The following NDUFS6 variants were observed in gnomAD, a reference collection of about 807,000 sequenced individuals.
NDUFS6 encodes the protein NADH:ubiquinone oxidoreductase subunit S6.
Under a neutral mutation model 13.2 loss-of-function variants are expected in NDUFS6, and 14 were observed. The ratio of observed to expected loss-of-function variants is 1.06; its 90% CI spans 0.70 to 1.66. The LOEUF is 1.66. Ranked by LOEUF, NDUFS6 falls within the 40% of genes most tolerant of loss-of-function variation. The pLI, the probability that NDUFS6 is intolerant of heterozygous loss-of-function variation, is 0.00. For missense variants in NDUFS6, 206 were observed against 170.8 expected (o/e 1.21, Z -1.15); for synonymous variants, 95 against 72.3 (o/e 1.31, Z -1.60).
rs1409362457 is a variant in NDUFS6, at chr5:1,815,891, T to C, written c.350T>C (p.Leu117Pro). 1 of 1,614,152 alleles carries C rather than the reference T, an allele frequency of 6.2e-7. No individual in the cohort carries two copies. Among genetic ancestry groups the C allele is most frequent in the Non-Finnish European group, 8.5e-7 (1 of 1,180,066 alleles). ...TKTGTCGYCG[L>P]QFRQHHH Reference sequence around the variant, plus strand: ...ACCGGCACATGCGGTTACTGTGGGCTCCAGTTCAGACAGCACCACCACTAG... The same window carrying C: ...ACCGGCACATGCGGTTACTGTGGGCCCCAGTTCAGACAGCACCACCACTAG... Residue 117 changes from leucine to proline, a missense_variant, in exon 4 of 4, where the codon CTC (leucine) becomes CCC (proline). Coordinates refer to ENST00000274137, the MANE Select transcript of NDUFS6 (RefSeq NM_004553.6).
chr5:1,811,638 T>C (rs1448160256), intron 2 of NDUFS6, among the ~76,000 whole-genome samples: 2 of 152,216 alleles, frequency 1.3e-5, no homozygotes, highest in African/African-American at 4.8e-5. Flanking sequence ...ATTTCCTCTG[T>C]AGAGTCACCC....
At position 1,815,325 on chromosome 5, in the gene NDUFS6, G is replaced by A. The variant is rs764843003; in HGVS notation, c.310-526G>A. ...CAGTGGAGCACTCAGGGACTCAGGCGGCTGCTGGGCTTGGTGTTCTCCCCA... is the reference window on the plus strand; with the variant it reads ...CAGTGGAGCACTCAGGGACTCAGGCAGCTGCTGGGCTTGGTGTTCTCCCCA... On this transcript the variant is annotated intron_variant, in intron 3 of 3. Transcript: ENST00000274137. Among the ~76,000 whole-genome samples, 4 of 152,126 alleles carry A rather than the reference G, an allele frequency of 2.6e-5. No homozygotes were observed. The East Asian group carries it at 5.8e-4, about 22-fold the overall frequency.
chr5:1,808,053 G>C (rs919126029), intron 2 of NDUFS6, among the ~76,000 whole-genome samples: 2 of 152,202 alleles, frequency 1.3e-5, no homozygotes, highest in Non-Finnish European at 2.9e-5. Flanking sequence ...AAGGTCCTCC[G>C]TGAGAGGAAG....
intron 2 of NDUFS6, among the ~76,000 whole-genome samples, chr5:1,805,583 A>G (rs570593068): frequency 6.6e-6 from 1 of 152,358 alleles, no homozygotes; most frequent in South Asian, 2.1e-4. Flanking sequence ...CAGGCCTCAC[A>G]TGGTCCTGGA....
intron 2 of NDUFS6, among the ~76,000 whole-genome samples, chr5:1,804,703 G>A (rs1050220876): frequency 2.0e-5 from 3 of 152,192 alleles, no homozygotes; most frequent in African/African-American, 7.2e-5. Flanking sequence ...AACACTTTTA[G>A]ATTTACAGAA....
rs1275230131 is a variant in NDUFS6 at position 1,814,249 on chromosome 5, A to T, written c.187-90A>T. On this transcript the variant is annotated intron_variant, in intron 2 of 3. Transcript: ENST00000274137. This position sits in a 1 kb window ranked among gnomAD's most constrained non-coding sequence, Gnocchi z 4.9. ...AAGCATGCACCATAGATTCGTGCTG[A>T]TGGTACATGAATTTGTGTGTGGTGG... 4 of 1,557,086 alleles carry T rather than the reference A, an allele frequency of 2.6e-6. No individual in the cohort carries two copies. Among genetic ancestry groups the T allele is most frequent in the Non-Finnish European group, 2.7e-6 (3 of 1,130,518 alleles).
chr5:1,801,532 G>T lies in NDUFS6; in HGVS notation c.115G>T (p.Val39Phe). 6.3e-7 allele frequency: 1 copy of T among 1,592,232 alleles called. No homozygotes were observed. The highest frequency in any genetic ancestry group is 8.5e-7 in the Non-Finnish European group (1 of 1,176,078). ...GVRVSPTGEK[V>F]THTGQVYDDK... Reference sequence around the variant, plus strand: ...GCGGGTCTCGCCGACCGGGGAGAAGGTCACGCACACTGGCCAGGTAACGGC... The same window carrying T: ...GCGGGTCTCGCCGACCGGGGAGAAGTTCACGCACACTGGCCAGGTAACGGC... Residue 39 changes from valine to phenylalanine, a missense_variant, in exon 1 of 4, where the codon GTC (valine) becomes TTC (phenylalanine). Transcript: ENST00000274137.
intron 2 of NDUFS6, among the ~76,000 whole-genome samples, chr5:1,811,788 G>A (rs1734223181): frequency 6.6e-6 from 1 of 152,230 alleles, no homozygotes; most frequent in South Asian, 2.1e-4. Flanking sequence ...TGCTACATAG[G>A]TGATGTATCC....
rs747240392 is a variant in NDUFS6 at position 1,814,140 on chromosome 5, G to A, written c.187-199G>A. ...GCTGGGATTCTTGCAGTGCCTCTCC[G>A]CGTTTGGAACTTTATTCCAGTGAAA... On this transcript the variant is annotated intron_variant, in intron 2 of 3. Coordinates refer to ENST00000274137, the MANE Select transcript of NDUFS6 (RefSeq NM_004553.6). This position sits in a 1 kb window ranked among gnomAD's most constrained non-coding sequence, Gnocchi z 4.9. Among the ~76,000 whole-genome samples the A allele has an allele frequency of 5.9e-5, 9 of 152,232 alleles. No individual in the cohort carries two copies. The highest frequency in any genetic ancestry group is 9.6e-5 in the African/African-American group (4 of 41,460).
At chr5:1,808,364 A>G (rs1734160526) in intron 2 of NDUFS6, among the ~76,000 whole-genome samples, 1 of 152,324 alleles carries the variant, frequency 6.6e-6, no homozygotes, top group South Asian at 2.1e-4. Flanking sequence ...AGTGAAGGCA[A>G]TCGGATTTTA....
chr5:1,813,931 G>A (rs561335895), intron 2 of NDUFS6, among the ~76,000 whole-genome samples: 1 of 152,232 alleles, frequency 6.6e-6, no homozygotes, highest in South Asian at 2.1e-4. Context: ...ACTGCATGGA[G>A]GTTCTGTGAG....
intron 2 of NDUFS6, among the ~76,000 whole-genome samples, chr5:1,803,972 T>A (rs918091778): frequency 2.6e-5 from 4 of 151,938 alleles, no homozygotes; most frequent in African/African-American, 7.3e-5. Flanking sequence ...TTTCTTTTAG[T>A]GGTGACCGTG....
chr5:1,808,223 T>C (rs1734158175), intron 2 of NDUFS6, among the ~76,000 whole-genome samples: 2 of 152,154 alleles, frequency 1.3e-5, no homozygotes, highest in South Asian at 4.1e-4. Flanking sequence ...CTGGGCGTCC[T>C]TTAGGGGGTG....
At chr5:1,803,104 C>T (rs981711345) in intron 2 of NDUFS6, among the ~76,000 whole-genome samples, 6 of 152,120 alleles carry the variant, frequency 3.9e-5, no homozygotes, top group African/African-American at 7.2e-5. Flanking sequence ...TTGTTAACAC[C>T]GTAGCTATCC....
At position 1,801,433 on chromosome 5, in the gene NDUFS6, A is replaced by G. The variant is rs1252041599; in HGVS notation, c.16A>G (p.Thr6Ala). MAAAM[T>A]FCRLLNRCGE... ...GCGGCGCAAAATGGCGGCGGCGATG[A>G]CCTTCTGCCGGCTGCTGAACCGGTG... Residue 6 changes from threonine (T) to alanine (A), a missense_variant, in exon 1 of 4, where the codon ACC (threonine) becomes GCC (alanine). Physicochemically the swap from Thr to Ala is moderately conservative, Grantham distance 58 (BLOSUM62 0). Coordinates refer to ENST00000274137, the MANE Select transcript of NDUFS6 (RefSeq NM_004553.6). The G allele has an allele frequency of 1.2e-6, 2 of 1,604,828 alleles. No homozygotes were observed. The highest frequency in any genetic ancestry group is 1.7e-6 in the Non-Finnish European group (2 of 1,178,302).
rs372299677 is a variant in NDUFS6, at chr5:1,809,381, C to T, written c.187-4958C>T. Among the ~76,000 whole-genome samples the T allele has an allele frequency of 1.5e-4, 23 of 152,290 alleles. No individual in the cohort carries two copies. In the East Asian group the frequency reaches 3.5e-3, roughly 23 times the overall value. The stretch of plus-strand genomic sequence containing the variant: ...TGGAGCCTTGAGTCTGAACCCAGAG[C>T]GGGGCTTTGTGTTGTGGCTGGGTGT... On this transcript the variant is annotated intron_variant, in intron 2 of 3. Coordinates refer to ENST00000274137, the MANE Select transcript of NDUFS6 (RefSeq NM_004553.6).
intron 2 of NDUFS6, among the ~76,000 whole-genome samples, chr5:1,808,689 A>C (rs988485383): frequency 6.6e-6 from 1 of 152,236 alleles, no homozygotes; most frequent in African/African-American, 2.4e-5. Context: ...ACATTCTCAA[A>C]GCAAGTTTGA....
At position 1,802,852 on chromosome 5, in the gene NDUFS6, G is replaced by C. The variant is rs527728583; in HGVS notation, c.186+478G>C. Among the ~76,000 whole-genome samples the C allele has an allele frequency of 2.7e-4, 41 of 152,144 alleles. No homozygotes were observed. The South Asian group carries it at 2.7e-3, about 10-fold the overall frequency. The stretch of plus-strand genomic sequence containing the variant: ...GCATTGTAAGGGAAGATCAGTTCAG[G>C]TGCCTGTGAGTGACCACTGGAGAAA... On this transcript the variant is annotated intron_variant, in intron 2 of 3. Transcript: ENST00000274137.
rs776787376 is a variant in NDUFS6, at chr5:1,802,382, A to T, written c.186+8A>T. 1.7e-5 allele frequency: 27 copies of T among 1,612,832 alleles called. No individual in the cohort carries two copies. In the East Asian group the frequency reaches 5.8e-4, roughly 35 times the overall value. On this transcript the variant is annotated splice_region_variant and intron_variant, in intron 2 of 3. Coordinates refer to ENST00000274137, the MANE Select transcript of NDUFS6 (RefSeq NM_004553.6). ...GTAGGTCGTCAGAAAGAGGTGAGTAAAAAATCTAGTGAAGAGAGGTAAGCT... is the reference window on the plus strand; with the variant it reads ...GTAGGTCGTCAGAAAGAGGTGAGTATAAAATCTAGTGAAGAGAGGTAAGCT...
Sources: allele counts gnomAD v4.1 joint callset (sites outside exome capture counted in the v4.1 genomes callset), GRCh38; gene constraint gnomAD v4.1.1; non-coding constraint Gnocchi (gnomAD v3.1); transcripts MANE v1.5; gene names NCBI Gene and HGNC (gene_info 2026-07-23, HGNC 2026-07-21).